The following PC variants were observed in gnomAD, a reference collection of about 807,000 sequenced individuals.
The protein encoded by PC is pyruvate carboxylase, mitochondrial.
A neutral mutation model predicts 107.8 loss-of-function variants in PC; 46 were observed. The observed-to-expected ratio is 0.43, with a 90% confidence interval of 0.34 to 0.55. PC has a LOEUF of 0.55. Ranked by LOEUF, PC falls within the 20% of genes least tolerant of loss-of-function variation. The pLI, the probability that PC is intolerant of heterozygous loss-of-function variation, is 0.04. For synonymous variants in PC, 662 were observed against 684.7 expected (o/e 0.97, Z 0.52); for missense variants, 1,241 against 1,643.1 (o/e 0.76, Z 4.23).
At chr11:66,945,419 G>GGC (rs1555049844) in intron 3 of PC, among the ~76,000 whole-genome samples, 1 of 11,808 alleles carries the variant, frequency 8.5e-5, no homozygotes, top group African/African-American at 2.2e-4. Flanking sequence ...CAAATGGTTT[G>GGC]GGGGGGCGGG....
At chr11:66,956,429 A>G (rs1372966507) in intron 1 of PC, among the ~76,000 whole-genome samples, 1 of 152,052 alleles carries the variant, frequency 6.6e-6, no homozygotes, top group Non-Finnish European at 1.5e-5. Flanking sequence ...TACTAAAAAT[A>G]CAAAAAATAG....
At chr11:66,874,328 T>C (rs976989004) in intron 3 of PC, among the ~76,000 whole-genome samples, 2 of 152,176 alleles carry the variant, frequency 1.3e-5, no homozygotes, top group African/African-American at 4.8e-5. Flanking sequence ...CCTCAAGTGG[T>C]CTACCCGCCT....
At position 66,877,698 on chromosome 11, in the gene PC, A is replaced by G. The variant is rs531860529; in HGVS notation, c.1-5539T>C. On this transcript the variant is annotated intron_variant, in intron 3 of 22. Coordinates refer to ENST00000393960, the MANE Select transcript of PC (RefSeq NM_001040716.2). ...ACAGAAAATCATGAGAAGCAATTTA[A>G]AGATTCCACACCCTGGCTCCCACAG... is the stretch of plus-strand genomic sequence containing the variant. Among the ~76,000 whole-genome samples the G allele has an allele frequency of 3.9e-4, 60 of 152,260 alleles. 1 individual carries two copies. The highest frequency in any genetic ancestry group is 6.3e-4 in the Non-Finnish European group (43 of 68,040).
intron 3 of PC, among the ~76,000 whole-genome samples, chr11:66,927,076 TG>T (rs750000707): frequency 6.1e-5 from 9 of 148,382 alleles, no homozygotes; most frequent in Non-Finnish European, 1.2e-4. Flanking sequence ...CTGCAACCTC[TG>T]CCTCGCAGGT....
chr11:66,948,247 A>C (rs1156268467), intron 3 of PC, among the ~76,000 whole-genome samples: 1 of 152,076 alleles, frequency 6.6e-6, no homozygotes. Context: ...CAATACAAGC[A>C]ACAACATGGA....
chr11:66,899,679 G>C (rs1947881310), intron 3 of PC, among the ~76,000 whole-genome samples: 1 of 152,220 alleles, frequency 6.6e-6, no homozygotes, highest in South Asian at 2.1e-4. Context: ...TTGTTACATA[G>C]ATGATTTCCA....
rs183381808 is a variant in PC at position 66,869,291 on chromosome 11, C to T, written c.904-327G>A. ...CCTGCTGCCTCCTGGGCTTGCCCGC[C>T]AAGGCTGTGTCATCCACCCAGACAC... On this transcript the variant is annotated intron_variant, in intron 9 of 22. Coordinates refer to ENST00000393960, the MANE Select transcript of PC (RefSeq NM_001040716.2). 2.0e-5 allele frequency among the ~76,000 whole-genome samples: 3 copies of T among 152,010 alleles called. No homozygotes were observed. The East Asian group carries it at 5.8e-4, about 30-fold the overall frequency.
In PC at chr11:66,849,941, G is replaced by C. The variant is rs1945372517; in HGVS notation, c.2894C>G (p.Ser965Cys). The change falls in exon 20 of 23, where the codon TCT becomes TGT. Residue 965 changes from serine to cysteine, a missense_variant. Physicochemically the swap from Ser to Cys is moderately radical, Grantham distance 112 (BLOSUM62 -1). This residue lies in a region of PC where 1,143 missense variants were observed against 1,551.9 expected (regional missense o/e 0.74). Coordinates refer to ENST00000393960, the MANE Select transcript of PC (RefSeq NM_001040716.2). ...PHGGFPEPFR[S>C]KVLKDLPRVE... ...ACCATGCTGGGCCTTCCCTACCTTA[G>C]AGCGAAAGGGTTCGGGGAACCCCCC... 1.2e-6 allele frequency: 2 copies of C among 1,613,566 alleles called. No individual in the cohort carries two copies. The highest frequency in any genetic ancestry group is 1.1e-5 in the South Asian group (1 of 91,090).
chr11:66,879,162 C>G (rs1947093207), intron 3 of PC, among the ~76,000 whole-genome samples: 1 of 152,198 alleles, frequency 6.6e-6, no homozygotes, highest in African/African-American at 2.4e-5. Flanking sequence ...CCCACTCGCA[C>G]CATGATGCAG....
chr11:66,913,068 G>C (rs1948375373), intron 3 of PC, among the ~76,000 whole-genome samples: 1 of 152,108 alleles, frequency 6.6e-6, no homozygotes, highest in Non-Finnish European at 1.5e-5. Flanking sequence ...AACCCGGGTG[G>C]GAATGAATTT....
Position 66,849,392 on chromosome 11 carries a change from T to G in PC, c.3148-22A>C, listed in dbSNP as rs1336872343. The stretch of plus-strand genomic sequence containing the variant: ...CCACCTGCAGGGAGGGTGTGCAGAC[T>G]CAGAGCTGGACGCCAAGGTGGGAGA... On this transcript the variant is annotated intron_variant, in intron 21 of 22. Coordinates refer to ENST00000393960, the MANE Select transcript of PC (RefSeq NM_001040716.2). 4 of 1,611,574 alleles carry G rather than the reference T, an allele frequency of 2.5e-6. No individual in the cohort carries two copies. The South Asian group carries it at 4.4e-5, about 18-fold the overall frequency.
chr11:66,874,773 C>T (rs1439119916), intron 3 of PC, among the ~76,000 whole-genome samples: 1 of 152,122 alleles, frequency 6.6e-6, no homozygotes, highest in Non-Finnish European at 1.5e-5. Flanking sequence ...AGACACAAAT[C>T]AGAACATTTC....
intron 3 of PC, among the ~76,000 whole-genome samples, chr11:66,933,413 A>G (rs1164617939): frequency 6.6e-6 from 1 of 151,922 alleles, no homozygotes; most frequent in East Asian, 1.9e-4. Context: ...AGCTATCTCA[A>G]TTTTCTCAGG....
rs1288844658 is a variant in PC at position 66,858,154 on chromosome 11, C to G, written c.1369-4771G>C. 2 of 1,610,656 alleles carry G rather than the reference C, an allele frequency of 1.2e-6. No homozygotes were observed. The highest frequency in any genetic ancestry group is 1.1e-5 in the South Asian group (1 of 91,032). On this transcript the variant is annotated intron_variant, in intron 12 of 22. Transcript: ENST00000393960. This position sits in a 1 kb window ranked among gnomAD's most constrained non-coding sequence, Gnocchi z 5.9. ...GGCAACCAGCTGGGCCGCATCGCGC[C>G]GGGAGCCTTCGACGACTTCCTAGAG...
Position 66,858,944 on chromosome 11 carries a change from G to A in PC, c.1368+4830C>T, listed in dbSNP as rs375098656. 9 of 1,577,520 alleles carry A rather than the reference G, an allele frequency of 5.7e-6. No homozygotes were observed. Among genetic ancestry groups the A allele is most frequent in the Non-Finnish European group, 7.8e-6 (9 of 1,158,490 alleles). On this transcript the variant is annotated intron_variant, in intron 12 of 22. Coordinates refer to ENST00000393960, the MANE Select transcript of PC (RefSeq NM_001040716.2). This position sits in a 1 kb window ranked among gnomAD's most constrained non-coding sequence, Gnocchi z 5.9. ...CCGCTCGCACTGCTGCCGAGGGTGA[G>A]GGGACGCTGGAGTCTGAGCCAGCCG...
intron 9 of PC, among the ~76,000 whole-genome samples, chr11:66,869,900 T>C (rs1946652272): frequency 6.6e-6 from 1 of 152,226 alleles, no homozygotes; most frequent in African/African-American, 2.4e-5. Context: ...AAACATGATG[T>C]AGGAGACAGA....
At chr11:66,865,453 C>CGAGCAG (rs1331904112) in intron 11 of PC, among the ~76,000 whole-genome samples, 1 of 152,238 alleles carries the variant, frequency 6.6e-6, no homozygotes, top group Non-Finnish European at 1.5e-5. Context: ...GAACAGGCAC[C>CGAGCAG]GAGCAGGCCG....
At chr11:66,902,209 T>C (rs1391609841) in intron 3 of PC, among the ~76,000 whole-genome samples, 1 of 152,210 alleles carries the variant, frequency 6.6e-6, no homozygotes, top group Admixed American at 6.5e-5. Flanking sequence ...CATATCTTCA[T>C]AGCCCCATGA....
chr11:66,865,389 G>C (rs1401764449), intron 11 of PC, among the ~76,000 whole-genome samples: 1 of 152,278 alleles, frequency 6.6e-6, no homozygotes, highest in Non-Finnish European at 1.5e-5. Flanking sequence ...CCCCTGGATA[G>C]GGAGCAAGTC....
Sources: gnomAD v4.1 joint callset for allele counts (sites outside exome capture counted in the v4.1 genomes callset) on GRCh38, gnomAD v4.1.1 for gene constraint, gnomAD v4.1.1 regional missense constraint, Gnocchi (gnomAD v3.1) non-coding constraint, MANE v1.5 for transcripts, NCBI Gene and HGNC (gene_info 2026-07-23, HGNC 2026-07-21) for gene names.